Variants in PDSS2 observed in about 807,000 individuals in gnomAD.
The protein encoded by PDSS2 is all trans-polyprenyl-diphosphate synthase PDSS2.
In PDSS2, 31 loss-of-function variants were observed where a neutral mutation model predicts 44.5. The ratio of observed to expected loss-of-function variants is 0.70; its 90% CI spans 0.52 to 0.94. PDSS2 has a LOEUF of 0.94. Ranked by LOEUF, PDSS2 falls within the 40% of genes least tolerant of loss-of-function variation. The pLI is 0.00. For synonymous variants in PDSS2, 157 were observed against 180.3 expected, an observed-to-expected ratio of 0.87 and a Z score of 1.03; for missense variants, 452 against 482.2, an observed-to-expected ratio of 0.94 and a Z score of 0.59.
At position 107,228,419 on chromosome 6, in the gene PDSS2, C is replaced by A. The variant is rs147485546; in HGVS notation, c.703-16137G>T. Among the ~76,000 whole-genome samples the A allele has an allele frequency of 7.1e-4, 108 of 152,210 alleles. 2 individuals are homozygous for A. The highest frequency in any genetic ancestry group is 2.4e-3 in the African/African-American group (100 of 41,536). On this transcript the variant is annotated intron_variant, in intron 4 of 7. Coordinates refer to ENST00000369037, the MANE Select transcript of PDSS2 (RefSeq NM_020381.4). ...AATTAAAAAAGTTTGCTAGGCCAGG[C>A]GCGGCGGCTCACACCTGTAATCCCA...
At chr6:107,419,487 T>C (rs1478288189) in intron 1 of PDSS2, among the ~76,000 whole-genome samples, 15 of 152,218 alleles carry the variant, frequency 9.9e-5, no homozygotes, top group Non-Finnish European at 4.4e-5. Flanking sequence ...AGAATTGTGT[T>C]TCCTTTGCTT....
intron 1 of PDSS2, among the ~76,000 whole-genome samples, chr6:107,408,878 G>A (rs1780404764): frequency 6.6e-6 from 1 of 152,074 alleles, no homozygotes; most frequent in African/African-American, 2.4e-5. Flanking sequence ...AAGCTACGAA[G>A]GAAAATGACA....
intron 6 of PDSS2, among the ~76,000 whole-genome samples, chr6:107,209,216 C>T (rs572676315): frequency 1.4e-4 from 22 of 152,192 alleles, no homozygotes; most frequent in Middle Eastern, 3.4e-3. Context: ...CTTGCTGTTT[C>T]GTGGAAGCAG....
chr6:107,458,204 G>A (rs1782109954), intron 1 of PDSS2, among the ~76,000 whole-genome samples: 2 of 150,520 alleles, frequency 1.3e-5, no homozygotes, highest in African/African-American at 2.4e-5. Context: ...AAAAACTTTT[G>A]GCCGGGCACG....
At position 107,424,036 on chromosome 6, in the gene PDSS2, C is replaced by CTTT. The variant is rs56318621; in HGVS notation, c.296+34951_296+34953dup. Among the ~76,000 whole-genome samples the CTTT allele has an allele frequency of 2.5e-3, 230 of 90,498 alleles. 2 individuals are homozygous for CTTT. Among genetic ancestry groups the CTTT allele is most frequent in the African/African-American group, 6.7e-3 (146 of 21,952 alleles). The allele number at this position is 90,498 out of a possible 152,430, so 59.4% of individuals were successfully genotyped here. The stretch of plus-strand genomic sequence containing the variant: ...AATTATGATTATTTTTATCTTGCAT[C>CTTT]TTTTTTTTTTTTTTTTTTTTTTTGG... On this transcript the variant is annotated intron_variant, in intron 1 of 7. Transcript: ENST00000369037.
intron 2 of PDSS2, among the ~76,000 whole-genome samples, chr6:107,274,667 CTTTTTTTTTT>C (rs5878910): frequency 4.7e-5 from 5 of 106,554 alleles, no homozygotes; most frequent in African/African-American, 1.3e-4. Flanking sequence ...ATCTCTCTCT[CTTTTTTTTTT>C]TTTTTTTTTT....
At chr6:107,164,653 A>G (rs1259429137) in intron 7 of PDSS2, among the ~76,000 whole-genome samples, 2 of 152,224 alleles carry the variant, frequency 1.3e-5, no homozygotes, top group African/African-American at 4.8e-5. Context: ...TTATAGCAGC[A>G]TGATTTGTAA....
intron 4 of PDSS2, among the ~76,000 whole-genome samples, chr6:107,214,380 C>T (rs370304920): frequency 6.6e-6 from 1 of 152,106 alleles, no homozygotes; most frequent in Non-Finnish European, 1.5e-5. Context: ...TGTGAGCCAC[C>T]GCTCCCGGCC....
At chr6:107,175,153 A>T (rs1771743115) in intron 7 of PDSS2, among the ~76,000 whole-genome samples, 1 of 151,258 alleles carries the variant, frequency 6.6e-6, no homozygotes, top group African/African-American at 2.4e-5. Context: ...TGGAGGTTGC[A>T]GTGAGCTGAG....
chr6:107,384,689 ATACT>A (rs1382528158), intron 1 of PDSS2, among the ~76,000 whole-genome samples: 30 of 152,006 alleles, frequency 2.0e-4, no homozygotes, highest in African/African-American at 7.2e-4. Context: ...ACTAAACTGT[ATACT>A]TAAAGAGGGT....
chr6:107,340,491 T>C (rs1265428421), intron 1 of PDSS2, among the ~76,000 whole-genome samples: 2 of 152,240 alleles, frequency 1.3e-5, no homozygotes, highest in Non-Finnish European at 2.9e-5. Flanking sequence ...ACCACTGTGG[T>C]ACTTTTCTAT....
At position 107,334,526 on chromosome 6, in the gene PDSS2, CGTT is replaced by C. The variant is rs67310767; in HGVS notation, c.297-197_297-195del. ...AAACAACTAGAGAAATCTACGGCTG[CGTT>C]GTTGTTGTTGTTGTTGTTGTTGTTG... On this transcript the variant is annotated intron_variant, in intron 1 of 7. Transcript: ENST00000369037. 0.79 allele frequency among the ~76,000 whole-genome samples: 117,042 copies of C among 149,024 alleles called. 46,054 individuals carry two copies. Among genetic ancestry groups the C allele is most frequent in the Middle Eastern group, 0.88 (255 of 290 alleles).
intron 4 of PDSS2, among the ~76,000 whole-genome samples, chr6:107,212,696 T>C (rs1320474012): frequency 6.6e-6 from 1 of 152,092 alleles, no homozygotes; most frequent in Non-Finnish European, 1.5e-5. Flanking sequence ...AACTACATTT[T>C]CTTAGAAATA....
At chr6:107,397,398 C>G (rs1310163442) in intron 1 of PDSS2, among the ~76,000 whole-genome samples, 1 of 152,092 alleles carries the variant, frequency 6.6e-6, no homozygotes, top group Non-Finnish European at 1.5e-5. Context: ...GAAAAAAATA[C>G]CAATTTTACT....
At chr6:107,360,559 G>C (rs548437536) in intron 1 of PDSS2, among the ~76,000 whole-genome samples, 14 of 124,008 alleles carry the variant, frequency 1.1e-4, no homozygotes, top group Non-Finnish European at 2.0e-4. Context: ...AAGCCTACAA[G>C]CTCTGCATTA....
At chr6:107,282,461 T>C (rs1278763253) in intron 2 of PDSS2, among the ~76,000 whole-genome samples, 4 of 152,040 alleles carry the variant, frequency 2.6e-5, no homozygotes, top group African/African-American at 9.7e-5. Flanking sequence ...GGCGTGACCA[T>C]GGCTCACTGT....
chr6:107,324,849 T>G (rs1357643792), intron 2 of PDSS2, among the ~76,000 whole-genome samples: 3 of 152,166 alleles, frequency 2.0e-5, no homozygotes, highest in African/African-American at 7.2e-5. Context: ...AAATACAGTT[T>G]GTTAATTTTG....
intron 2 of PDSS2, among the ~76,000 whole-genome samples, chr6:107,303,533 A>G (rs1210202775): frequency 6.6e-6 from 1 of 152,206 alleles, no homozygotes; most frequent in African/African-American, 2.4e-5. Flanking sequence ...ATTTACAACC[A>G]TGGAACAAAT....
intron 3 of PDSS2, among the ~76,000 whole-genome samples, chr6:107,248,126 A>G (rs1244555601): frequency 6.6e-6 from 1 of 152,204 alleles, no homozygotes; most frequent in African/African-American, 2.4e-5. Context: ...TAGTAAGCTC[A>G]TTTAATAATC....
Sources: allele counts gnomAD v4.1 joint callset (sites outside exome capture counted in the v4.1 genomes callset), GRCh38; gene constraint gnomAD v4.1.1; transcripts MANE v1.5; gene names NCBI Gene and HGNC (gene_info 2026-07-23, HGNC 2026-07-21).